FYCO1: variants seen among roughly 807,000 people sequenced by gnomAD.
FYCO1 encodes the protein FYVE and coiled-coil domain autophagy adaptor 1.
In FYCO1, 122 loss-of-function variants were observed where a neutral mutation model predicts 165.1. The ratio of observed to expected loss-of-function variants is 0.74; its 90% CI spans 0.64 to 0.86. The LOEUF (loss-of-function observed/expected upper bound fraction) is 0.86. Ranked by LOEUF, FYCO1 falls within the 40% of genes least tolerant of loss-of-function variation. The pLI is 0.00. For missense variants in FYCO1, 1,702 were observed against 1,810.3 expected, an observed-to-expected ratio of 0.94 and a Z score of 1.09; for synonymous variants, 648 against 742.5, an observed-to-expected ratio of 0.87 and a Z score of 2.07.
chr3:45,969,861 G>C (rs1378212948), intron 6 of FYCO1, 96 bp from the exon 7 acceptor site: 3 of 913,914 alleles, frequency 3.3e-6, no homozygotes, highest in Admixed American at 2.1e-5. Flanking sequence ...GGTGGTAGGG[G>C]GCTGCCTTCC....
Position 45,966,352 on chromosome 3 carries a change from C to A in FYCO1, c.2982G>T (p.Glu994Asp). 6.2e-7 allele frequency: 1 copy of A among 1,614,194 alleles called. No individual in the cohort carries two copies. Among genetic ancestry groups the A allele is most frequent in the Non-Finnish European group, 8.5e-7 (1 of 1,180,020 alleles). The change falls in exon 8 of 18, where the codon GAG becomes GAT. Residue 994 changes from glutamate to aspartate, a missense_variant. Glu to Asp is a conservative substitution (Grantham distance 45). Transcript: ENST00000296137. The stretch of plus-strand genomic sequence containing the variant: ...GGGTGTTGAGCTCCTGGTGTGCAGC[C>A]TCTTGGAGGCTCTGGGCCCGCTGCT... ...QAEQRAQSLQEAAHQELNTLK... is the reference protein window; with the variant it reads ...QAEQRAQSLQDAAHQELNTLK...
chr3:45,942,776 C>T (rs910441756), intron 14 of FYCO1, among the ~76,000 whole-genome samples: 5 of 152,176 alleles, frequency 3.3e-5, no homozygotes, highest in Admixed American at 1.3e-4. Flanking sequence ...CAGAGGGCAG[C>T]CCAAGGAAAC....
Position 45,973,146 on chromosome 3 carries a change from G to A in FYCO1, c.481C>T (p.Gln161Ter). Reference protein sequence around the residue: ...VGQLYELTEVQFDLASRGFDL... With the variant: ...VGQLYELTEV The stretch of plus-strand genomic sequence containing the variant: ...AAGCCCCTCGACGCCAGGTCAAACT[G>A]AACCTCAGTCAGCTCATAGAGTTGG... The change falls in exon 6 of 18, where the codon CAG becomes TAG. Residue 161 changes from glutamine to a stop codon, truncating the protein, a stop_gained. Coordinates refer to ENST00000296137, the MANE Select transcript of FYCO1 (RefSeq NM_024513.4). LOFTEE classifies it high-confidence loss of function. 14 of 1,614,220 alleles carry A rather than the reference G, an allele frequency of 8.7e-6. No homozygotes were observed. The highest frequency in any genetic ancestry group is 1.2e-5 in the Non-Finnish European group (14 of 1,180,034).
At chr3:45,930,703 G>C (rs1239966660) in intron 16 of FYCO1, among the ~76,000 whole-genome samples, 2 of 152,154 alleles carry the variant, frequency 1.3e-5, no homozygotes, top group Non-Finnish European at 2.9e-5. Flanking sequence ...GAGGAAGAGA[G>C]GTCACCACCT....
At position 45,946,374 on chromosome 3, in the gene FYCO1, G is replaced by C. The variant is rs2234353; in HGVS notation, c.3944+8875C>G. The C allele has an allele frequency of 5.4e-4, 500 of 926,262 alleles. 1 individual carries two copies. The African/African-American group carries it at 6.2e-3, about 11-fold the overall frequency. 57.4% of individuals were successfully genotyped at this position (926,262 alleles called of 1,614,324 possible). A position where few individuals can be genotyped will look rare whatever the true frequency, so the allele number is the denominator to read the frequency against. ...GGGTGGGTTTAGAAGATGACTATTT[G>C]CCCCCTAAATGTGGTCAATGGGATA... On this transcript the variant is annotated intron_variant, in intron 14 of 17. Coordinates refer to ENST00000296137, the MANE Select transcript of FYCO1 (RefSeq NM_024513.4).
intron 15 of FYCO1, among the ~76,000 whole-genome samples, chr3:45,932,809 C>T (rs1703696597): frequency 6.6e-6 from 1 of 152,194 alleles, no homozygotes; most frequent in Admixed American, 6.5e-5. Flanking sequence ...AATTTTATTT[C>T]TAATTAAGAA....
chr3:45,960,269 C>T (rs1049857044), intron 11 of FYCO1, among the ~76,000 whole-genome samples: 1 of 152,198 alleles, frequency 6.6e-6, no homozygotes, highest in Non-Finnish European at 1.5e-5. Flanking sequence ...AGCTAGCATC[C>T]TCAGGGCTAA....
chr3:45,971,203 A>T (rs935630950), intron 6 of FYCO1, among the ~76,000 whole-genome samples: 1 of 152,220 alleles, frequency 6.6e-6, no homozygotes, highest in Non-Finnish European at 1.5e-5. Context: ...AGAATCCATG[A>T]GTCAATACTG....
At position 45,918,754 on chromosome 3, in the gene FYCO1, T is replaced by C. The variant is rs959684072; in HGVS notation, c.*3011A>G. On this transcript the variant is annotated 3_prime_UTR_variant, in exon 18 of 18. Coordinates refer to ENST00000296137, the MANE Select transcript of FYCO1 (RefSeq NM_024513.4). ...CAAAACACCATTTATTCTTGAGTTA[T>C]ATGACGTGGCTTTTCATTTCTATTC... The C allele has an allele frequency of 5.9e-5, 9 of 152,358 alleles. No individual in the cohort carries two copies. Among genetic ancestry groups the C allele is most frequent in the African/African-American group, 1.7e-4 (7 of 41,580 alleles). The allele number at this position is 152,358 out of a possible 1,614,324, so 9.4% of individuals were successfully genotyped here.
chr3:45,961,353 C>T (rs1029783182), intron 11 of FYCO1, among the ~76,000 whole-genome samples: 2 of 152,084 alleles, frequency 1.3e-5, no homozygotes, highest in Non-Finnish European at 2.9e-5. Context: ...CTGAGGCAGG[C>T]AAATCATTTG....
Position 45,931,200 on chromosome 3 carries a change from G to A in FYCO1, c.4122C>T (p.Tyr1374=), listed in dbSNP as rs1703596999. The A allele has an allele frequency of 2.6e-5, 42 of 1,614,104 alleles. No individual in the cohort carries two copies. The highest frequency in any genetic ancestry group is 3.5e-5 in the Non-Finnish European group (41 of 1,179,968). Residue 1374 remains tyrosine, a synonymous_variant, in exon 16 of 18, where the codon TAC becomes TAT. Transcript: ENST00000296137. ...SRELFVRSST[Y]SLIPITVAEA... ...CGGCCACAGTGATGGGGATCAGGCT[G>A]TAGGTGCTGGACCTCACAAACAGCT... is the stretch of plus-strand genomic sequence containing the variant.
At position 45,940,204 on chromosome 3, in the gene FYCO1, C is replaced by T. The variant is rs73830633; in HGVS notation, c.3945-3661G>A. 2.4e-3 allele frequency among the ~76,000 whole-genome samples: 361 copies of T among 152,308 alleles called. 4 individuals are homozygous for T. The highest frequency in any genetic ancestry group is 7.6e-3 in the African/African-American group (315 of 41,562). ...AGGGCAGGAGAGGGCCCCCCTCCCCCAGGAATGTCAGGTGACCATCAAGTA... is the reference window on the plus strand; with the variant it reads ...AGGGCAGGAGAGGGCCCCCCTCCCCTAGGAATGTCAGGTGACCATCAAGTA... On this transcript the variant is annotated intron_variant, in intron 14 of 17. Transcript: ENST00000296137.
intron 1 of FYCO1, among the ~76,000 whole-genome samples, chr3:45,989,208 A>C (rs980989374): frequency 1.3e-5 from 2 of 152,202 alleles, no homozygotes; most frequent in Non-Finnish European, 2.9e-5. Context: ...AGTCCCAAAT[A>C]AGGAGGAGCC....
intron 14 of FYCO1, chr3:45,945,720 G>A (rs1048434594): frequency 3.3e-5 from 5 of 152,178 alleles, no homozygotes; most frequent in Non-Finnish European, 7.3e-5. Context: ...GTTAACTGAT[G>A]AAGGGGAAAG....
chr3:45,931,135 G>A lies in FYCO1; in HGVS notation c.4187C>T (p.Pro1396Leu), dbSNP rs1379915666. The change falls in exon 16 of 18, where the codon CCC becomes CTC. Residue 1396 changes from proline to leucine, a missense_variant. By Grantham distance (98) the Pro-to-Leu change is moderately conservative. Coordinates refer to ENST00000296137, the MANE Select transcript of FYCO1 (RefSeq NM_024513.4). The stretch of plus-strand genomic sequence containing the variant: ...GACCACACTGAAGGAGATGCTCTTG[G>A]GGTCAGAGGAGAAGACCCAGCTGAT... The part of the protein sequence containing the change: ...LTISWVFSSD[P>L]KSISFSVVFQ... The A allele has an allele frequency of 6.2e-7, 1 of 1,613,844 alleles. No homozygotes were observed. Among genetic ancestry groups the A allele is most frequent in the Non-Finnish European group, 8.5e-7 (1 of 1,179,910 alleles).
chr3:45,931,848 C>G (rs189014510), intron 15 of FYCO1, among the ~76,000 whole-genome samples: 1 of 152,316 alleles, frequency 6.6e-6, no homozygotes, highest in Non-Finnish European at 1.5e-5. Flanking sequence ...ATCCCATACT[C>G]TTTATAATGC....
At chr3:45,979,917 C>A in intron 3 of FYCO1, 87 bp from the exon 4 acceptor site, 1 of 1,531,496 alleles carries the variant, frequency 6.5e-7, no homozygotes, top group Non-Finnish European at 9.0e-7. Context: ...ACAATAGCTT[C>A]TTAGGTGCCA....
chr3:45,979,664 A>C (rs1175691496), intron 4 of FYCO1, 41 bp downstream of exon 4: 59 of 1,611,482 alleles, frequency 3.7e-5, no homozygotes, highest in Non-Finnish European at 4.6e-5. Flanking sequence ...TTAAGCAGGC[A>C]AAAGGACGAC....
At chr3:45,927,960 C>T (rs1232075907) in intron 16 of FYCO1, among the ~76,000 whole-genome samples, 2 of 152,374 alleles carry the variant, frequency 1.3e-5, no homozygotes, top group Admixed American at 6.5e-5. Context: ...GAAAATGATA[C>T]TCTTCATTTC....
Sources: gnomAD v4.1 joint callset for allele counts (sites outside exome capture counted in the v4.1 genomes callset) on GRCh38, gnomAD v4.1.1 for gene constraint, MANE v1.5 for transcripts, NCBI Gene and HGNC (gene_info 2026-07-23, HGNC 2026-07-21) for gene names.